Variants in LOC400499 observed in about 807,000 individuals in gnomAD.
chr16:11,491,678 C>CCA, the LOC400499 span: 2 of 394,906 alleles, frequency 5.1e-6, no homozygotes, highest in Non-Finnish European at 4.5e-6. Flanking sequence ...CACACCCCTC[C>CCA]CACACACACA....
chr16:11,459,382 G>C, the LOC400499 span, among the ~76,000 whole-genome samples: 1 of 151,748 alleles, frequency 6.6e-6, no homozygotes, highest in African/African-American at 2.4e-5. Flanking sequence ...ATTTTTAGTA[G>C]AGACGGTGTT....
the LOC400499 span, among the ~76,000 whole-genome samples, chr16:11,447,608 T>C: frequency 6.6e-6 from 1 of 152,070 alleles, no homozygotes; most frequent in African/African-American, 2.4e-5. Context: ...GCTCTGCTCG[T>C]CCTAACCTCG....
At chr16:11,473,755 CAAA>C in the LOC400499 span, among the ~76,000 whole-genome samples, 1 of 139,116 alleles carries the variant, frequency 7.2e-6, no homozygotes, top group African/African-American at 2.6e-5. Flanking sequence ...AACTCTGTCT[CAAA>C]AAAAAAAAAA....
At chr16:11,463,846 T>C in the LOC400499 span, among the ~76,000 whole-genome samples, 1 of 152,074 alleles carries the variant, frequency 6.6e-6, no homozygotes, top group African/African-American at 2.4e-5. Flanking sequence ...TGGACATGTA[T>C]GTGTGTAAAG....
the LOC400499 span, among the ~76,000 whole-genome samples, chr16:11,453,333 C>T: frequency 2.9e-4 from 44 of 152,240 alleles, no homozygotes; most frequent in Non-Finnish European, 5.1e-4. Flanking sequence ...TGTTTGAAAA[C>T]AGGGTAACCA....
At chr16:11,436,741 C>T in the LOC400499 span, among the ~76,000 whole-genome samples, 5 of 152,032 alleles carry the variant, frequency 3.3e-5, no homozygotes, top group African/African-American at 9.7e-5. Context: ...GTGCCCGCCA[C>T]CATGCCCAGC....
the LOC400499 span, among the ~76,000 whole-genome samples, chr16:11,375,798 C>T: frequency 6.8e-6 from 1 of 146,652 alleles, no homozygotes; most frequent in Non-Finnish European, 1.5e-5. Flanking sequence ...GGTGCAATCT[C>T]GGCTCACCGC....
At chr16:11,443,824 T>C in the LOC400499 span, among the ~76,000 whole-genome samples, 2 of 144,300 alleles carry the variant, frequency 1.4e-5, no homozygotes, top group Non-Finnish European at 3.0e-5. Context: ...GTGACTCTTA[T>C]CTGTAATCCC....
chr16:11,397,773 T>TGGAGGGAGGGAGGGAGGGAG, the LOC400499 span, among the ~76,000 whole-genome samples: 1 of 34,674 alleles, frequency 2.9e-5, no homozygotes, highest in Non-Finnish European at 5.2e-5. Context: ...GAGGGAGGGA[T>TGGAGGGAGGGAGGGAGGGAG]GGAGGGAGGG....
At chr16:11,467,516 G>C in the LOC400499 span, among the ~76,000 whole-genome samples, 1 of 152,080 alleles carries the variant, frequency 6.6e-6, no homozygotes, top group African/African-American at 2.4e-5. Flanking sequence ...GGAGGCTGAG[G>C]TGGGAGGATC....
the LOC400499 span, among the ~76,000 whole-genome samples, chr16:11,391,302 C>G: frequency 0.31 from 46,748 of 151,932 alleles, 7,317 homozygotes; most frequent in African/African-American, 0.34. Flanking sequence ...TAATGACCAC[C>G]TGGCCACATT....
chr16:11,382,384 C>T, the LOC400499 span, among the ~76,000 whole-genome samples: 2 of 151,256 alleles, frequency 1.3e-5, no homozygotes, highest in Non-Finnish European at 3.0e-5. Flanking sequence ...AAGCCTACTC[C>T]TGTTGTTGCC....
the LOC400499 span, among the ~76,000 whole-genome samples, chr16:11,507,028 C>G: frequency 6.6e-6 from 1 of 152,210 alleles, no homozygotes; most frequent in East Asian, 1.9e-4. Context: ...GACAGCCGCA[C>G]AGTGCCCTCT....
At chr16:11,446,722 C>T in the LOC400499 span, 1 of 1,533,710 alleles carries the variant, frequency 6.5e-7, no homozygotes, top group South Asian at 1.2e-5. Context: ...CAGGCCCCTT[C>T]CGGGCTATGC....
the LOC400499 span, chr16:11,489,013 C>G: frequency 2.5e-6 from 1 of 395,578 alleles, no homozygotes; most frequent in Non-Finnish European, 4.5e-6. Context: ...CTACAGAGAC[C>G]TACGTCTTCT....
the LOC400499 span, among the ~76,000 whole-genome samples, chr16:11,457,420 C>T: frequency 1.3e-5 from 2 of 151,814 alleles, no homozygotes; most frequent in South Asian, 2.1e-4. Flanking sequence ...GGTGAAACCC[C>T]GTCTTTACTA....
At chr16:11,459,732 A>G in the LOC400499 span, among the ~76,000 whole-genome samples, 1 of 152,210 alleles carries the variant, frequency 6.6e-6, no homozygotes, top group Non-Finnish European at 1.5e-5. Flanking sequence ...CCCTGGGGAC[A>G]TGGGGTCATG....
chr16:11,495,448 T>C, the LOC400499 span, among the ~76,000 whole-genome samples: 123,087 of 151,262 alleles, frequency 0.81, 51,928 homozygotes, highest in Non-Finnish European at 0.93. Flanking sequence ...TGGCCCTATC[T>C]AGGCCCACTG....
the LOC400499 span, chr16:11,391,991 C>T: frequency 2.1e-4 from 90 of 425,704 alleles, 2 homozygotes; most frequent in Non-Finnish European, 2.2e-4. Flanking sequence ...CCCCCACCCT[C>T]CCCTGCTGTG....
Sources: allele counts gnomAD v4.1 joint callset (sites outside exome capture counted in the v4.1 genomes callset), GRCh38; gene constraint gnomAD v4.1.1; transcripts MANE v1.5.